Variants in HIBADH observed in about 807,000 individuals in gnomAD.
HIBADH encodes 3-hydroxyisobutyrate dehydrogenase, also known as 3-hydroxyisobutyrate dehydrogenase, mitochondrial.
A neutral mutation model predicts 36.1 loss-of-function variants in HIBADH; 25 were observed. That is an observed-to-expected ratio of 0.69 (90% CI 0.50 to 0.97). HIBADH has a LOEUF of 0.97. Among genes scored for constraint, HIBADH ranks in the 50% least tolerant of loss-of-function variants. The pLI is 0.00. For synonymous variants in HIBADH, 160 were observed against 149.5 expected (o/e 1.07, Z -0.51); for missense variants, 421 against 418.0 (o/e 1.01, Z -0.06).
intron 1 of HIBADH, among the ~76,000 whole-genome samples, chr7:27,654,655 A>G (rs1786263916): frequency 6.6e-6 from 1 of 151,506 alleles, no homozygotes. Context: ...GTATGAATCA[A>G]TCTCAGGGGT....
At chr7:27,642,624 T>C (rs192921068) in intron 2 of HIBADH, among the ~76,000 whole-genome samples, 1 of 151,060 alleles carries the variant, frequency 6.6e-6, no homozygotes, top group Admixed American at 6.6e-5. Flanking sequence ...ATTCTTTCGC[T>C]GTCTGCCTAA....
chr7:27,628,352 CT>C (rs1785684995), intron 4 of HIBADH, among the ~76,000 whole-genome samples: 1 of 151,992 alleles, frequency 6.6e-6, no homozygotes, highest in African/African-American at 2.4e-5. Flanking sequence ...TTATATGTTA[CT>C]TTTTAATTCT....
chr7:27,659,150 C>T (rs763008086), intron 1 of HIBADH, among the ~76,000 whole-genome samples: 2 of 152,110 alleles, frequency 1.3e-5, no homozygotes, highest in Non-Finnish European at 2.9e-5. Context: ...ATACATGATG[C>T]TAATTTTTCC....
At chr7:27,595,107 T>C (rs1404278) in intron 4 of HIBADH, among the ~76,000 whole-genome samples, 116,006 of 152,164 alleles carry the variant, frequency 0.76, 44,734 homozygotes, top group East Asian at 0.94. Context: ...CTCAACTGTA[T>C]GATAATTCCA....
chr7:27,531,782 C>T (rs553773965), intron 6 of HIBADH, among the ~76,000 whole-genome samples: 25 of 151,890 alleles, frequency 1.6e-4, no homozygotes, highest in South Asian at 6.2e-4. Context: ...GACAGATAAA[C>T]GATGCATCAT....
rs1785708762 is a variant in HIBADH, at chr7:27,629,440, C to T, written c.415G>A (p.Val139Ile). Reference protein sequence around the residue: ...LIDSSTIDPAVSKELAKEVEK... With the variant: ...LIDSSTIDPAISKELAKEVEK... The stretch of plus-strand genomic sequence containing the variant: ...ACTTCTTTGGCCAATTCTTTTGAAA[C>T]TGCAGGATCAATAGTGCTGGAATCT... The change falls in exon 4 of 8, where the codon GTT becomes ATT. Residue 139 changes from valine to isoleucine, a missense_variant. Coordinates refer to ENST00000265395, the MANE Select transcript of HIBADH (RefSeq NM_152740.4). The T allele has an allele frequency of 6.2e-7, 1 of 1,610,588 alleles. No individual in the cohort carries two copies. Among genetic ancestry groups the T allele is most frequent in the African/African-American group, 1.3e-5 (1 of 74,812 alleles).
intron 7 of HIBADH, among the ~76,000 whole-genome samples, chr7:27,526,793 G>A (rs1293199561): frequency 2.0e-5 from 3 of 152,156 alleles, no homozygotes; most frequent in Non-Finnish European, 4.4e-5. Flanking sequence ...GAAGTGTGCT[G>A]ACAATGTGCC....
chr7:27,634,717 G>T (rs565974687), intron 2 of HIBADH, among the ~76,000 whole-genome samples: 130 of 152,338 alleles, frequency 8.5e-4, no homozygotes, highest in Middle Eastern at 6.8e-3. Flanking sequence ...CCCACTGAAA[G>T]AAATTAAATT....
At chr7:27,572,547 A>AT (rs941305936) in intron 4 of HIBADH, among the ~76,000 whole-genome samples, 53 of 152,166 alleles carry the variant, frequency 3.5e-4, no homozygotes, top group Admixed American at 1.3e-4. Flanking sequence ...TATGACATCT[A>AT]TTTTTACAAA....
intron 4 of HIBADH, among the ~76,000 whole-genome samples, chr7:27,570,245 A>T (rs887935331): frequency 6.6e-6 from 1 of 152,200 alleles, no homozygotes; most frequent in African/African-American, 2.4e-5. Context: ...GTAGGAGAGA[A>T]AGGACAGTAT....
intron 7 of HIBADH, among the ~76,000 whole-genome samples, chr7:27,530,741 C>G (rs868292480): frequency 6.6e-6 from 1 of 152,100 alleles, no homozygotes; most frequent in African/African-American, 2.4e-5. Context: ...ATATTAAAAT[C>G]TTAAAGCAGG....
At chr7:27,567,486 T>G (rs1325582177) in intron 4 of HIBADH, among the ~76,000 whole-genome samples, 2 of 152,170 alleles carry the variant, frequency 1.3e-5, no homozygotes, top group Non-Finnish European at 2.9e-5. Context: ...TTAATGTTAG[T>G]ATTGATAGGT....
intron 4 of HIBADH, among the ~76,000 whole-genome samples, chr7:27,569,719 C>CT (rs1784601789): frequency 6.6e-6 from 1 of 151,920 alleles, no homozygotes; most frequent in Non-Finnish European, 1.5e-5. Context: ...CTTGTACTTC[C>CT]TGCAACTAGA....
intron 7 of HIBADH, among the ~76,000 whole-genome samples, chr7:27,527,628 A>C (rs985881265): frequency 6.6e-6 from 1 of 152,168 alleles, no homozygotes; most frequent in Non-Finnish European, 1.5e-5. Context: ...GAGCAAGTCT[A>C]TCAGCACTGT....
Position 27,617,450 on chromosome 7 carries a change from C to G in HIBADH, c.484+11921G>C, listed in dbSNP as rs563445291. On this transcript the variant is annotated intron_variant, in intron 4 of 7. Coordinates refer to ENST00000265395, the MANE Select transcript of HIBADH (RefSeq NM_152740.4). ...ATAACAACTTATATTAAATTTTCACCAACTTGGTCAAAACTCAGTTACCTG... is the reference window on the plus strand; with the variant it reads ...ATAACAACTTATATTAAATTTTCACGAACTTGGTCAAAACTCAGTTACCTG... 2.0e-5 allele frequency among the ~76,000 whole-genome samples: 3 copies of G among 152,226 alleles called. No homozygotes were observed. In the East Asian group the frequency reaches 5.8e-4, roughly 29 times the overall value.
chr7:27,643,069 C>T (rs577538097), intron 2 of HIBADH, among the ~76,000 whole-genome samples: 3 of 152,310 alleles, frequency 2.0e-5, no homozygotes, highest in Admixed American at 1.3e-4. Context: ...AATTTGGAAT[C>T]ACATATTTGT....
intron 1 of HIBADH, among the ~76,000 whole-genome samples, chr7:27,651,843 T>C (rs1786201377): frequency 6.6e-6 from 1 of 151,934 alleles, no homozygotes; most frequent in South Asian, 2.1e-4. Context: ...CAGTTAAAGA[T>C]AAAAACACAA....
At chr7:27,632,916 CCAGT>C (rs1785771958) in intron 2 of HIBADH, among the ~76,000 whole-genome samples, 1 of 151,946 alleles carries the variant, frequency 6.6e-6, no homozygotes, top group African/African-American at 2.4e-5. Flanking sequence ...CCACCATCCT[CCAGT>C]CTGTATTTTC....
At chr7:27,649,105 C>T (rs1467740386) in intron 2 of HIBADH, 1 of 158,560 alleles carries the variant, frequency 6.3e-6, no homozygotes, top group Non-Finnish European at 1.4e-5. Flanking sequence ...TAAGCCTACT[C>T]TTGTTTTAAA....
Sources: allele counts gnomAD v4.1 joint callset (sites outside exome capture counted in the v4.1 genomes callset), GRCh38; gene constraint gnomAD v4.1.1; transcripts MANE v1.5; gene names NCBI Gene and HGNC (gene_info 2026-07-23, HGNC 2026-07-21).